CTNNA2: variants seen among roughly 807,000 people sequenced by gnomAD.
The protein encoded by CTNNA2 is catenin alpha 2, also known as catenin alpha-2.
Under a neutral mutation model 101.0 loss-of-function variants are expected in CTNNA2, and 42 were observed. The ratio of observed to expected loss-of-function variants is 0.42; its 90% confidence interval spans 0.32 to 0.54. The LOEUF is 0.54. CTNNA2 is among the 20% of genes least tolerant of loss of function. CTNNA2 has a pLI of 0.14. For synonymous variants in CTNNA2, 450 were observed against 456.4 expected, an observed-to-expected ratio of 0.99 and a Z score of 0.18; for missense variants, 871 against 1,223.1, an observed-to-expected ratio of 0.71 and a Z score of 4.29.
chr2:79,930,308 GAA>G (rs1448944885), intron 7 of CTNNA2, among the ~76,000 whole-genome samples: 1 of 86,466 alleles, frequency 1.2e-5, no homozygotes, highest in Admixed American at 1.1e-4. Flanking sequence ...AAGAAAGAAA[GAA>G]AGAAAGAAAG....
chr2:79,609,255 C>G (rs1412930913), intron 1 of CTNNA2, among the ~76,000 whole-genome samples: 1 of 151,814 alleles, frequency 6.6e-6, no homozygotes, highest in Non-Finnish European at 1.5e-5. Flanking sequence ...GTTAATTCTC[C>G]TAGAATTAAG....
chr2:79,659,307 T>C (rs1169592870), intron 2 of CTNNA2, among the ~76,000 whole-genome samples: 1 of 150,624 alleles, frequency 6.6e-6, no homozygotes, highest in Non-Finnish European at 1.5e-5. Flanking sequence ...ATAATCAAAA[T>C]ATAAAGTGAG....
At chr2:79,357,627 C>G (rs903198319) in intron 3 of CTNNA2, among the ~76,000 whole-genome samples, 1 of 152,096 alleles carries the variant, frequency 6.6e-6, no homozygotes, top group Non-Finnish European at 1.5e-5. Flanking sequence ...ACTCAAGAAT[C>G]ATTACAAATC....
At chr2:80,344,721 A>G (rs1275709986) in intron 7 of CTNNA2, among the ~76,000 whole-genome samples, 2 of 152,178 alleles carry the variant, frequency 1.3e-5, no homozygotes, top group Non-Finnish European at 2.9e-5. Context: ...CCTGAGCTCA[A>G]GTGATTCTCC....
At chr2:80,384,640 TG>T (rs1188529548) in intron 7 of CTNNA2, among the ~76,000 whole-genome samples, 1 of 151,586 alleles carries the variant, frequency 6.6e-6, no homozygotes, top group African/African-American at 2.4e-5. Context: ...AGGAACAGTA[TG>T]AATCCTTATA....
At chr2:79,316,957 G>A (rs1181304094) in intron 3 of CTNNA2, among the ~76,000 whole-genome samples, 1 of 151,862 alleles carries the variant, frequency 6.6e-6, no homozygotes, top group African/African-American at 2.4e-5. Context: ...AAAAGCAGAC[G>A]TTCATGTCTT....
At chr2:80,005,769 A>G (rs1373692319) in intron 7 of CTNNA2, among the ~76,000 whole-genome samples, 16 of 92,592 alleles carry the variant, frequency 1.7e-4, no homozygotes, top group Admixed American at 1.1e-3. Flanking sequence ...CACTATGTTT[A>G]TTTGTTTTTT....
chr2:79,193,104 T>C (rs1311951701), intron 1 of CTNNA2, among the ~76,000 whole-genome samples: 1 of 152,190 alleles, frequency 6.6e-6, no homozygotes, highest in Non-Finnish European at 1.5e-5. Flanking sequence ...TATGTAAATA[T>C]TATATATTCT....
At chr2:79,797,715 T>C (rs2105282653) in intron 3 of CTNNA2, among the ~76,000 whole-genome samples, 1 of 151,930 alleles carries the variant, frequency 6.6e-6, no homozygotes, top group African/African-American at 2.4e-5. Context: ...CCTGTTGTGT[T>C]TGTACATTTA....
chr2:79,313,128 G>A (rs1394960160), intron 3 of CTNNA2, among the ~76,000 whole-genome samples: 1 of 152,196 alleles, frequency 6.6e-6, no homozygotes, highest in East Asian at 1.9e-4. Flanking sequence ...TCCAACAGAT[G>A]TAATACTTTA....
chr2:80,466,190 T>C (rs1433742966), intron 9 of CTNNA2, among the ~76,000 whole-genome samples: 2 of 152,176 alleles, frequency 1.3e-5, no homozygotes, highest in African/African-American at 2.4e-5. Flanking sequence ...TATAAAGTAA[T>C]AGAAATCTGA....
At chr2:79,233,173 C>A (rs1396573805) in intron 2 of CTNNA2, among the ~76,000 whole-genome samples, 1 of 152,056 alleles carries the variant, frequency 6.6e-6, no homozygotes, top group Non-Finnish European at 1.5e-5. Context: ...AACTTTCTAA[C>A]CTCTTGATAA....
At chr2:79,404,513 A>G (rs907129289) in intron 4 of CTNNA2, among the ~76,000 whole-genome samples, 1 of 152,108 alleles carries the variant, frequency 6.6e-6, no homozygotes, top group Non-Finnish European at 1.5e-5. Context: ...AAACTGAGAA[A>G]TACTATAACA....
chr2:79,193,697 T>C (rs1673906955), intron 1 of CTNNA2, among the ~76,000 whole-genome samples: 1 of 152,210 alleles, frequency 6.6e-6, no homozygotes, highest in South Asian at 2.1e-4. Context: ...CAAATGTAGC[T>C]TCAAGAAACA....
intron 3 of CTNNA2, among the ~76,000 whole-genome samples, chr2:79,809,991 G>A (rs967841512): frequency 1.3e-5 from 2 of 152,070 alleles, no homozygotes; most frequent in Admixed American, 6.6e-5. Context: ...TAAAACCATC[G>A]ACACTATAAA....
At chr2:79,936,545 CTTT>C (rs5832422) in intron 7 of CTNNA2, among the ~76,000 whole-genome samples, 1 of 148,294 alleles carries the variant, frequency 6.7e-6, no homozygotes. Context: ...TCCAAGCGTC[CTTT>C]TTTTTTTTTC....
chr2:79,323,754 T>C (rs537113271), intron 3 of CTNNA2, among the ~76,000 whole-genome samples: 1 of 152,288 alleles, frequency 6.6e-6, no homozygotes, highest in Admixed American at 6.5e-5. Context: ...TGGGAAAGTC[T>C]TTTGGGTATA....
intron 1 of CTNNA2, among the ~76,000 whole-genome samples, chr2:79,581,222 T>C (rs1676127211): frequency 6.6e-6 from 1 of 152,196 alleles, no homozygotes; most frequent in Non-Finnish European, 1.5e-5. Context: ...AAGATAAATT[T>C]ATGAAAACTT....
At chr2:79,744,613 G>A in intron 3 of CTNNA2, 31 bp downstream of exon 3, 2 of 1,584,654 alleles carry the variant, frequency 1.3e-6, no homozygotes, top group East Asian at 2.3e-5. Flanking sequence ...GTTCAAGGCG[G>A]ATCTATACTG....
Sources: gnomAD v4.1 joint callset for allele counts (sites outside exome capture counted in the v4.1 genomes callset) on GRCh38, gnomAD v4.1.1 for gene constraint, MANE v1.5 for transcripts, NCBI Gene and HGNC (gene_info 2026-07-23, HGNC 2026-07-21) for gene names.